The following GCNT2 variants were observed in gnomAD, a reference collection of about 807,000 sequenced individuals.
The protein encoded by GCNT2 is N-acetyllactosaminide beta-1,6-N-acetylglucosaminyl-transferase.
GCNT2 carries 34 observed loss-of-function variants against 34.2 expected under a neutral mutation model. The observed-to-expected ratio is 1.00, with a 90% CI of 0.76 to 1.32. The LOEUF is 1.32. Ranked by LOEUF, GCNT2 falls within the 40% of genes most tolerant of loss-of-function variation. GCNT2 has a pLI of 0.00. For missense variants in GCNT2, 584 were observed against 489.4 expected (o/e 1.19, Z -1.82); for synonymous variants, 212 against 188.0 (o/e 1.13, Z -1.04).
intron 3 of GCNT2, among the ~76,000 whole-genome samples, chr6:10,591,326 G>A (rs1764632529): frequency 6.6e-6 from 1 of 152,210 alleles, no homozygotes; most frequent in Admixed American, 6.5e-5. Context: ...CAGAACCTAT[G>A]AAAGTGTACC....
chr6:10,563,757 A>AG, intron 3 of GCNT2, among the ~76,000 whole-genome samples: 1 of 44,606 alleles, frequency 2.2e-5, no homozygotes, highest in Non-Finnish European at 4.6e-5. Flanking sequence ...AAGAAAAAAG[A>AG]AAAAAAAAAA....
At chr6:10,581,878 A>G in intron 3 of GCNT2, 1 of 984,828 alleles carries the variant, frequency 1.0e-6, no homozygotes, top group Non-Finnish European at 1.2e-6. Context: ...AAGAGACATG[A>G]AGGCATCAAA....
chr6:10,528,261 T>G (rs944858351), intron 2 of GCNT2: 1 of 156,142 alleles, frequency 6.4e-6, no homozygotes, highest in Admixed American at 6.1e-5. Flanking sequence ...TGCCATGTCG[T>G]ATAGCATACC....
intron 3 of GCNT2, among the ~76,000 whole-genome samples, chr6:10,558,812 G>A (rs941898890): frequency 6.6e-6 from 1 of 152,214 alleles, no homozygotes; most frequent in African/African-American, 2.4e-5. Flanking sequence ...CGGCTCACTC[G>A]TATGCTGCGC....
Position 10,626,607 on chromosome 6 carries a change from A to G in GCNT2, c.1209A>G (p.Ter403TrpextTer28). 1 of 1,611,128 alleles carries G rather than the reference A, an allele frequency of 6.2e-7. No homozygotes were observed. The highest frequency in any genetic ancestry group is 8.5e-7 in the Non-Finnish European group (1 of 1,177,394). The change falls in exon 5 of 5, where the codon TGA (stop) becomes TGG (tryptophan). Residue 403 changes from the stop codon to tryptophan (W), a stop_lost. Coordinates refer to ENST00000495262, the MANE Select transcript of GCNT2 (RefSeq NM_145649.5). Reference sequence around the variant, plus strand: ...CGATACAACCCAGCTGGTATTTTTGAGCTATTCATGAGCTACTCATGACTG... The same window carrying G: ...CGATACAACCCAGCTGGTATTTTTGGGCTATTCATGAGCTACTCATGACTG... ...ETAIQPSWYF[*>W]
intron 3 of GCNT2, among the ~76,000 whole-genome samples, chr6:10,590,414 T>A (rs1764579527): frequency 1.4e-5 from 2 of 142,712 alleles, no homozygotes; most frequent in Middle Eastern, 3.4e-3. Context: ...AAAAAAAAAA[T>A]GCTAGGCTTA....
chr6:10,553,620 G>A (rs1371975074), intron 3 of GCNT2, among the ~76,000 whole-genome samples: 2 of 152,216 alleles, frequency 1.3e-5, no homozygotes, highest in African/African-American at 2.4e-5. Context: ...TAGGCCGGGC[G>A]TGGTGGCTCA....
intron 1 of GCNT2, among the ~76,000 whole-genome samples, chr6:10,525,982 T>G (rs1047643732): frequency 5.9e-5 from 9 of 152,230 alleles, no homozygotes; most frequent in African/African-American, 2.2e-4. Flanking sequence ...TAAAAATTAC[T>G]TGACTAGTTT....
chr6:10,571,829 G>A lies in GCNT2; in HGVS notation c.925+41993G>A, dbSNP rs554654438. ...TTGTCCCCATGCCTCAGTGGTTCAC[G>A]GAAATGTGAAGAAGGATCACGCAGA... On this transcript the variant is annotated intron_variant, in intron 3 of 4. Transcript: ENST00000495262. Among the ~76,000 whole-genome samples, 11 of 152,218 alleles carry A rather than the reference G, an allele frequency of 7.2e-5. 1 individual carries two copies. The East Asian group carries it at 1.5e-3, about 21-fold the overall frequency.
chr6:10,563,548 C>T (rs1033824216), intron 3 of GCNT2, among the ~76,000 whole-genome samples: 14 of 151,580 alleles, frequency 9.2e-5, no homozygotes, highest in African/African-American at 3.4e-4. Flanking sequence ...TCGAGACCAC[C>T]CTGGCCAACA....
intron 3 of GCNT2, among the ~76,000 whole-genome samples, chr6:10,535,229 G>A (rs1163742859): frequency 1.3e-5 from 2 of 152,116 alleles, no homozygotes; most frequent in Non-Finnish European, 2.9e-5. Flanking sequence ...CAGGTCCTCT[G>A]GAGGCCTCTC....
rs1766270204 is a variant in GCNT2, at chr6:10,626,635, G to A, written c.*28G>A. 6.4e-7 allele frequency: 1 copy of A among 1,554,386 alleles called. No homozygotes were observed. Among genetic ancestry groups the A allele is most frequent in the Admixed American group, 1.7e-5 (1 of 59,938 alleles). ...TATTCATGAGCTACTCATGACTGAA[G>A]GGAAACTGCAGCTGGGAAGAGGAGC... On this transcript the variant is annotated 3_prime_UTR_variant, in exon 5 of 5. Transcript: ENST00000495262.
intron 3 of GCNT2, among the ~76,000 whole-genome samples, chr6:10,585,070 TGTGTGTGTGCG>T (rs1561818536): frequency 6.6e-4 from 67 of 101,404 alleles, no homozygotes; most frequent in African/African-American, 3.3e-3. Context: ...TGTGTGTGTG[TGTGTGTGTGCG>T]CGCTATATTC....
At chr6:10,556,246 ACAGGGACAGAGACAG>A in intron 3 of GCNT2, 1 of 1,460,890 alleles carries the variant, frequency 6.8e-7, no homozygotes, top group East Asian at 2.5e-5. Flanking sequence ...TAATATCGGC[ACAGGGACAGAGACAG>A]CAGCTGGACT....
At chr6:10,589,182 G>A (rs1470301976) in intron 3 of GCNT2, among the ~76,000 whole-genome samples, 1 of 113,312 alleles carries the variant, frequency 8.8e-6, no homozygotes, top group Non-Finnish European at 2.1e-5. Flanking sequence ...TGTGGTGTAT[G>A]TGCGTCATGT....
At chr6:10,574,814 G>T in intron 3 of GCNT2, 1 of 636,472 alleles carries the variant, frequency 1.6e-6, no homozygotes, top group South Asian at 1.4e-5. Flanking sequence ...CTCATAAAGT[G>T]TGCTACTCTG....
intron 3 of GCNT2, among the ~76,000 whole-genome samples, chr6:10,584,288 T>A (rs1764244858): frequency 6.6e-6 from 1 of 152,214 alleles, no homozygotes; most frequent in African/African-American, 2.4e-5. Context: ...GATTTATATT[T>A]AACTTTACAT....
intron 3 of GCNT2, chr6:10,556,199 TAAAC>T (rs996002740): frequency 9.8e-5 from 138 of 1,413,246 alleles, no homozygotes; most frequent in Non-Finnish European, 1.2e-4. Flanking sequence ...CACGGGGATT[TAAAC>T]AAAGGAGGTT....
At chr6:10,536,276 A>G (rs1426239761) in intron 3 of GCNT2, among the ~76,000 whole-genome samples, 1 of 152,142 alleles carries the variant, frequency 6.6e-6, no homozygotes, top group Non-Finnish European at 1.5e-5. Flanking sequence ...AAGGGGAGGA[A>G]GATTTGGGGA....
Sources: gnomAD v4.1 joint callset for allele counts (sites outside exome capture counted in the v4.1 genomes callset) on GRCh38, gnomAD v4.1.1 for gene constraint, MANE v1.5 for transcripts, NCBI Gene and HGNC (gene_info 2026-07-23, HGNC 2026-07-21) for gene names.